Variants in NUBP1 observed in about 807,000 individuals in gnomAD.
NUBP1 encodes NUBP iron-sulfur cluster assembly factor 1, cytosolic.
Under a neutral mutation model 41.8 loss-of-function variants are expected in NUBP1, and 46 were observed. That is an observed-to-expected ratio of 1.10 (90% CI 0.87 to 1.41). NUBP1 has a LOEUF of 1.41. Among genes scored for constraint, NUBP1 ranks in the 40% most tolerant of loss-of-function variants. NUBP1 has a pLI of 0.00. For synonymous variants in NUBP1, 189 were observed against 154.6 expected (o/e 1.22, Z -1.65); for missense variants, 494 against 414.0 (o/e 1.19, Z -1.68).
intron 2 of NUBP1, among the ~76,000 whole-genome samples, chr16:10,745,242 A>G (rs1596448040): frequency 6.6e-6 from 1 of 151,118 alleles, no homozygotes; most frequent in Non-Finnish European, 1.5e-5. Context: ...AGGCGGGTGG[A>G]TGGATCACTT....
intron 9 of NUBP1, among the ~76,000 whole-genome samples, chr16:10,764,403 G>A (rs1421721668): frequency 2.6e-5 from 4 of 151,958 alleles, no homozygotes; most frequent in African/African-American, 7.3e-5. Flanking sequence ...GTCTGCTGGA[G>A]TATTTGTCTA....
rs138869269 is a variant in NUBP1 at position 10,764,177 on chromosome 16, C to T, written c.820+2318C>T. Among the ~76,000 whole-genome samples, 956 of 148,324 alleles carry T rather than the reference C, an allele frequency of 6.4e-3. 5 individuals are homozygous for T. Among genetic ancestry groups the T allele is most frequent in the Middle Eastern group, 0.027 (7 of 260 alleles). Reference sequence around the variant, plus strand: ...CAGCCCACAGGAGTATCTCAGCCCACGGGAGCATCCCAGCCCGAAGGAGCG... The same window carrying T: ...CAGCCCACAGGAGTATCTCAGCCCATGGGAGCATCCCAGCCCGAAGGAGCG... On this transcript the variant is annotated intron_variant, in intron 9 of 10. Transcript: ENST00000283027.
intron 4 of NUBP1, among the ~76,000 whole-genome samples, chr16:10,755,409 C>T (rs754695307): frequency 6.6e-6 from 1 of 152,108 alleles, no homozygotes; most frequent in Non-Finnish European, 1.5e-5. Flanking sequence ...AGTCCCCAGC[C>T]GATTTTTATG....
chr16:10,760,047 C>T (rs1051404632), intron 7 of NUBP1, among the ~76,000 whole-genome samples: 1 of 152,192 alleles, frequency 6.6e-6, no homozygotes, highest in Non-Finnish European at 1.5e-5. Flanking sequence ...AGCTACTGAG[C>T]GGTGTTTATA....
chr16:10,763,132 A>G (rs933864528), intron 9 of NUBP1, among the ~76,000 whole-genome samples: 4 of 151,980 alleles, frequency 2.6e-5, no homozygotes, highest in Non-Finnish European at 5.9e-5. Context: ...ACAGTGAAGC[A>G]GGGGTGGTAG....
At position 10,757,452 on chromosome 16, in the gene NUBP1, A is replaced by G. The variant is rs866373613; in HGVS notation, c.452-421A>G. 6.6e-6 allele frequency among the ~76,000 whole-genome samples: 1 copy of G among 152,160 alleles called. No individual in the cohort carries two copies. Among genetic ancestry groups the G allele is most frequent in the African/African-American group, 2.4e-5 (1 of 41,420 alleles). On this transcript the variant is annotated intron_variant, in intron 6 of 10. Coordinates refer to ENST00000283027, the MANE Select transcript of NUBP1 (RefSeq NM_002484.4). This position sits in a 1 kb window ranked among gnomAD's most constrained non-coding sequence, Gnocchi z 4.1. ...GCAAGCTTTAGCCTCAGCACTATTG[A>G]TATTTTGAGCCAGATAAGTCTTTGT...
At position 10,757,020 on chromosome 16, in the gene NUBP1, T is replaced by C. The variant is rs1900606832; in HGVS notation, c.451+240T>C. On this transcript the variant is annotated intron_variant, in intron 6 of 10. Transcript: ENST00000283027. The surrounding 1 kb of genome is among the most constrained non-coding windows in gnomAD (Gnocchi z 4.1). ...CTCCTTAAAAGCTGTAGAACCCTGGTCGGGTGTGGTAGCTCACGCCTGTAA... is the reference window on the plus strand; with the variant it reads ...CTCCTTAAAAGCTGTAGAACCCTGGCCGGGTGTGGTAGCTCACGCCTGTAA... Among the ~76,000 whole-genome samples, 1 of 152,156 alleles carries C rather than the reference T, an allele frequency of 6.6e-6. No individual in the cohort carries two copies. Among genetic ancestry groups the C allele is most frequent in the Non-Finnish European group, 1.5e-5 (1 of 68,028 alleles).
At position 10,767,601 on chromosome 16, in the gene NUBP1, CT is replaced by C. The variant is rs35971208; in HGVS notation, c.821-341del. ...ATGCCATATCCTTTTGCATTCTGTA[CT>C]TTTTTTAACCATGTGCATTCATGAT... On this transcript the variant is annotated intron_variant, in intron 9 of 10. Coordinates refer to ENST00000283027, the MANE Select transcript of NUBP1 (RefSeq NM_002484.4). The surrounding 1 kb of genome is among the most constrained non-coding windows in gnomAD (Gnocchi z 4.6). The C allele has an allele frequency of 1.1e-5, 5 of 451,864 alleles. No individual in the cohort carries two copies. The highest frequency in any genetic ancestry group is 2.0e-5 in the African/African-American group (1 of 50,124). 28.0% of individuals were successfully genotyped at this position (451,864 alleles called of 1,614,324 possible). A position where few individuals can be genotyped will look rare whatever the true frequency, so the allele number is the denominator to read the frequency against.
rs374038802 is a variant in NUBP1 at position 10,767,408 on chromosome 16, C to A, written c.821-541C>A. On this transcript the variant is annotated intron_variant, in intron 9 of 10. Coordinates refer to ENST00000283027, the MANE Select transcript of NUBP1 (RefSeq NM_002484.4). The surrounding 1 kb of genome is among the most constrained non-coding windows in gnomAD (Gnocchi z 4.6). ...CCTGGAAGATAAAATTATACACAGA[C>A]AAAGCAGCAGGCAGAATGTGTGTGT... 5.0e-5 allele frequency: 20 copies of A among 400,124 alleles called. No individual in the cohort carries two copies. The highest frequency in any genetic ancestry group is 3.5e-4 in the African/African-American group (17 of 48,762). The allele number at this position is 400,124 out of a possible 1,614,324, so 24.8% of individuals were successfully genotyped here. A position where few individuals can be genotyped will look rare whatever the true frequency, so the allele number is the denominator to read the frequency against.
In NUBP1 at chr16:10,767,611, C is replaced by T; in HGVS notation, c.821-338C>T. ...CTTTTGCATTCTGTACTTTTTTTAA[C>T]CATGTGCATTCATGATCCTTTCACT... On this transcript the variant is annotated intron_variant, in intron 9 of 10. Coordinates refer to ENST00000283027, the MANE Select transcript of NUBP1 (RefSeq NM_002484.4). The surrounding 1 kb of genome is among the most constrained non-coding windows in gnomAD (Gnocchi z 4.6). 2.3e-6 allele frequency: 1 copy of T among 444,042 alleles called. No homozygotes were observed. The highest frequency in any genetic ancestry group is 4.0e-6 in the Non-Finnish European group (1 of 252,668). The allele number at this position is 444,042 out of a possible 1,614,324, so 27.5% of individuals were successfully genotyped here.
chr16:10,763,339 C>T (rs1013237875), intron 9 of NUBP1, among the ~76,000 whole-genome samples: 1 of 151,310 alleles, frequency 6.6e-6, no homozygotes, highest in African/African-American at 2.4e-5. Flanking sequence ...ATGGCTGCCT[C>T]GAGGAAGTGG....
At chr16:10,762,493 G>A (rs11641253) in intron 9 of NUBP1, among the ~76,000 whole-genome samples, 43,852 of 151,982 alleles carry the variant, frequency 0.29, 6,990 homozygotes, top group Middle Eastern at 0.45. Flanking sequence ...CGGGGCGCTG[G>A]GCAGGGCCTA....
At chr16:10,761,274 T>C in intron 7 of NUBP1, 90 bp from the exon 8 acceptor site, 1 of 1,167,462 alleles carries the variant, frequency 8.6e-7, no homozygotes, top group Non-Finnish European at 1.3e-6. Flanking sequence ...TGATCGCAGA[T>C]CCACTGCATT....
At chr16:10,746,668 G>A (rs936820714) in intron 2 of NUBP1, among the ~76,000 whole-genome samples, 2 of 152,022 alleles carry the variant, frequency 1.3e-5, no homozygotes, top group Admixed American at 6.6e-5. Flanking sequence ...TTGAACCCAG[G>A]AGGCAGTGTT....
In NUBP1 at chr16:10,766,611, G is replaced by A. The variant is rs755204838; in HGVS notation, c.821-1338G>A. 13 of 189,578 alleles carry A rather than the reference G, an allele frequency of 6.9e-5. No individual in the cohort carries two copies. Among genetic ancestry groups the A allele is most frequent in the Admixed American group, 2.5e-4 (4 of 16,274 alleles). 11.7% of individuals were successfully genotyped at this position (189,578 alleles called of 1,614,324 possible). A position where few individuals can be genotyped will look rare whatever the true frequency, so the allele number is the denominator to read the frequency against. On this transcript the variant is annotated intron_variant, in intron 9 of 10. Coordinates refer to ENST00000283027, the MANE Select transcript of NUBP1 (RefSeq NM_002484.4). This position sits in a 1 kb window ranked among gnomAD's most constrained non-coding sequence, Gnocchi z 4.8. ...TTCCACATGGTCTCATGGGCCCAGC[G>A]TTAACGGCGGAGGATGTCCAGGTTC...
chr16:10,762,476 C>G (rs575940369), intron 9 of NUBP1, among the ~76,000 whole-genome samples: 1 of 152,316 alleles, frequency 6.6e-6, no homozygotes, highest in South Asian at 2.1e-4. Context: ...CGGGCGCCCA[C>G]TCGCCGCGGG....
chr16:10,752,441 G>C (rs1900362276), intron 3 of NUBP1, among the ~76,000 whole-genome samples, 169 bp from the exon 4 acceptor site: 1 of 152,168 alleles, frequency 6.6e-6, no homozygotes, highest in Non-Finnish European at 1.5e-5. Flanking sequence ...TATGAACCTT[G>C]AGATCAGCGT....
chr16:10,745,430 G>C (rs1204833090), intron 2 of NUBP1, among the ~76,000 whole-genome samples: 1 of 152,084 alleles, frequency 6.6e-6, no homozygotes, highest in Admixed American at 6.6e-5. Flanking sequence ...ACTCCAGCCT[G>C]GGTGACAGAG....
rs1278069100 is a variant in NUBP1, at chr16:10,749,109, A to G, written c.258+1833A>G. ...CATTTAAAAAAAAAAAAGGATATAG[A>G]TAGATACACAGACACATACACACAC... On this transcript the variant is annotated intron_variant, in intron 3 of 10. Transcript: ENST00000283027. This position sits in a 1 kb window ranked among gnomAD's most constrained non-coding sequence, Gnocchi z 4.1. Among the ~76,000 whole-genome samples, 1 of 138,858 alleles carries G rather than the reference A, an allele frequency of 7.2e-6. No individual in the cohort carries two copies. Among genetic ancestry groups the G allele is most frequent in the African/African-American group, 2.8e-5 (1 of 36,170 alleles). The allele number at this position is 138,858 out of a possible 152,430, so 91.1% of individuals were successfully genotyped here.
Sources: gnomAD v4.1 joint callset for allele counts (sites outside exome capture counted in the v4.1 genomes callset) on GRCh38, gnomAD v4.1.1 for gene constraint, Gnocchi (gnomAD v3.1) non-coding constraint, MANE v1.5 for transcripts, NCBI Gene and HGNC (gene_info 2026-07-23, HGNC 2026-07-21) for gene names.